The following IQSEC1 variants were observed in gnomAD, a reference collection of about 807,000 sequenced individuals.
IQSEC1 encodes the protein IQ motif and Sec7 domain ArfGEF 1, also known as IQ motif and SEC7 domain-containing protein 1.
In IQSEC1, 31 loss-of-function variants were observed where a neutral mutation model predicts 91.0. The ratio of observed to expected loss-of-function variants is 0.34; its 90% CI spans 0.26 to 0.46. The LOEUF (loss-of-function observed/expected upper bound fraction) is 0.46. Ranked by LOEUF, IQSEC1 falls within the 20% of genes least tolerant of loss-of-function variation. IQSEC1 has a pLI of 1.00. For synonymous variants in IQSEC1, 699 were observed against 662.6 expected (o/e 1.05, Z -0.84); for missense variants, 1,388 against 1,575.6 (o/e 0.88, Z 2.02).
At chr3:13,005,993 G>A (rs1027247555) in intron 1 of IQSEC1, among the ~76,000 whole-genome samples, 2 of 152,238 alleles carry the variant, frequency 1.3e-5, no homozygotes, top group African/African-American at 4.8e-5. Flanking sequence ...GGCTCTTCAA[G>A]GGGAATTTTA....
intron 1 of IQSEC1, chr3:13,053,092 G>C: frequency 1.0e-6 from 1 of 968,908 alleles, no homozygotes; most frequent in Non-Finnish European, 1.7e-6. Flanking sequence ...GCCAGGAATC[G>C]CTTACTCCTG....
At position 13,013,805 on chromosome 3, in the gene IQSEC1, T is replaced by C. The variant is rs960299835; in HGVS notation, c.23+59187A>G. Among the ~76,000 whole-genome samples, 6 of 152,310 alleles carry C rather than the reference T, an allele frequency of 3.9e-5. No homozygotes were observed. The Middle Eastern group carries it at 0.014, about 345-fold the overall frequency. On this transcript the variant is annotated intron_variant, in intron 1 of 13. Transcript: ENST00000613206. Reference sequence around the variant, plus strand: ...ACAGTAGGTGCCCAATAAATGTTTGTTGAATGACTGAATTAACAAATGAAT... The same window carrying C: ...ACAGTAGGTGCCCAATAAATGTTTGCTGAATGACTGAATTAACAAATGAAT...
At chr3:13,005,389 G>T (rs1223733253) in intron 1 of IQSEC1, among the ~76,000 whole-genome samples, 1 of 152,188 alleles carries the variant, frequency 6.6e-6, no homozygotes, top group Non-Finnish European at 1.5e-5. Context: ...CCAGAGCCAG[G>T]CACCCCAGTG....
intron 1 of IQSEC1, among the ~76,000 whole-genome samples, chr3:13,180,112 C>T (rs566836773): frequency 4.2e-4 from 63 of 149,740 alleles, no homozygotes; most frequent in African/African-American, 1.4e-3. Context: ...GTGCATGGTG[C>T]GGGACTGGCA....
chr3:13,112,364 G>T (rs1339542813), intron 2 of IQSEC1, among the ~76,000 whole-genome samples: 2 of 152,238 alleles, frequency 1.3e-5, no homozygotes, highest in Non-Finnish European at 2.9e-5. Context: ...CTCTCCCTCT[G>T]AAAAGGGAGG....
intron 1 of IQSEC1, among the ~76,000 whole-genome samples, chr3:13,257,035 A>T (rs6767852): frequency 0.075 from 11,406 of 152,248 alleles, 546 homozygotes; most frequent in African/African-American, 0.11. Context: ...TTTGTAAAAA[A>T]GAAAAAATAA....
At chr3:13,078,963 A>T (rs969117337) in intron 2 of IQSEC1, among the ~76,000 whole-genome samples, 6 of 152,234 alleles carry the variant, frequency 3.9e-5, no homozygotes, top group South Asian at 2.1e-4. Flanking sequence ...TCAGTATTGT[A>T]AATTGTGCAT....
chr3:13,145,139 G>T (rs1266077154), intron 2 of IQSEC1, among the ~76,000 whole-genome samples: 1 of 152,238 alleles, frequency 6.6e-6, no homozygotes, highest in Non-Finnish European at 1.5e-5. Flanking sequence ...TAAGGGCAAA[G>T]ATGAGTAACC....
intron 1 of IQSEC1, among the ~76,000 whole-genome samples, chr3:13,263,069 GA>G (rs1006784696): frequency 2.0e-5 from 3 of 152,186 alleles, no homozygotes; most frequent in African/African-American, 7.2e-5. Context: ...TAAACATGGT[GA>G]AACCTTGTCT....
intron 1 of IQSEC1, among the ~76,000 whole-genome samples, chr3:12,963,318 C>T (rs1700358973): frequency 6.6e-6 from 1 of 152,252 alleles, no homozygotes; most frequent in African/African-American, 2.4e-5. Flanking sequence ...AGCAGCGAAG[C>T]TGCAGGTACC....
At chr3:13,206,431 T>C (rs978076920) in intron 1 of IQSEC1, among the ~76,000 whole-genome samples, 4 of 151,978 alleles carry the variant, frequency 2.6e-5, no homozygotes, top group Non-Finnish European at 4.4e-5. Flanking sequence ...AACACCACAA[T>C]GAGACACCAC....
intron 2 of IQSEC1, among the ~76,000 whole-genome samples, chr3:13,139,420 A>G (rs358378): frequency 0.49 from 74,865 of 152,132 alleles, 19,054 homozygotes; most frequent in Admixed American, 0.58. Context: ...GGCATGTTCC[A>G]TCAGGTCCTT....
chr3:13,174,767 G>A (rs380584), intron 1 of IQSEC1, among the ~76,000 whole-genome samples: 2 of 152,094 alleles, frequency 1.3e-5, no homozygotes, highest in Non-Finnish European at 2.9e-5. Flanking sequence ...AGCCCCCTCA[G>A]AGCTGCCCTC....
At chr3:12,912,386 A>G (rs1300730492) in intron 9 of IQSEC1, among the ~76,000 whole-genome samples, 2 of 152,206 alleles carry the variant, frequency 1.3e-5, no homozygotes, top group Non-Finnish European at 2.9e-5. Flanking sequence ...TGAGAGATTC[A>G]TCTTACAGAG....
intron 9 of IQSEC1, among the ~76,000 whole-genome samples, chr3:12,912,050 A>T (rs1695611164): frequency 1.3e-5 from 2 of 152,292 alleles, no homozygotes; most frequent in South Asian, 2.1e-4. Context: ...AGGGGCAGGA[A>T]TGGACAGGTG....
intron 1 of IQSEC1, among the ~76,000 whole-genome samples, chr3:13,000,467 A>G (rs1007482026): frequency 6.6e-6 from 1 of 152,176 alleles, no homozygotes; most frequent in Non-Finnish European, 1.5e-5. Flanking sequence ...AATTCTATAG[A>G]TGTTAGCTAT....
In IQSEC1 at chr3:12,920,566, C is replaced by T; in HGVS notation, c.1884G>A (p.Val628=). The T allele has an allele frequency of 6.2e-7, 1 of 1,614,128 alleles. No individual in the cohort carries two copies. Among genetic ancestry groups the T allele is most frequent in the South Asian group, 1.1e-5 (1 of 91,090 alleles). The change falls in exon 6 of 14, where the codon GTG becomes GTA. Residue 628 remains valine, a synonymous_variant. Coordinates refer to ENST00000613206, the MANE Select transcript of IQSEC1 (RefSeq NM_001134382.3). Reference sequence around the variant, plus strand: ...TGTCTGGGTTCCGGAATTGCCGCACCACCCCAGGGTTGCAGATGCAGTAGC... The same window carrying T: ...TGTCTGGGTTCCGGAATTGCCGCACTACCCCAGGGTTGCAGATGCAGTAGC... ...SQRYCICNPG[V]VRQFRNPDTI... is the part of the protein sequence containing the mutation.
At position 12,975,121 on chromosome 3, in the gene IQSEC1, C is replaced by T. The variant is rs571355788; in HGVS notation, c.24-33256G>A. On this transcript the variant is annotated intron_variant, in intron 1 of 13. Transcript: ENST00000613206. ...GGCTTGGCAATGACACCCATGACTGCCTAGCCAGGGCCAGGCACACGGCAG... is the reference window on the plus strand; with the variant it reads ...GGCTTGGCAATGACACCCATGACTGTCTAGCCAGGGCCAGGCACACGGCAG... Among the ~76,000 whole-genome samples the T allele has an allele frequency of 1.6e-4, 25 of 152,384 alleles. No individual in the cohort carries two copies. In the South Asian group the frequency reaches 4.6e-3, roughly 28 times the overall value.
chr3:13,185,094 C>T (rs1463710122), intron 1 of IQSEC1, among the ~76,000 whole-genome samples: 1 of 152,182 alleles, frequency 6.6e-6, no homozygotes. Context: ...CTCCCACCCA[C>T]GCAGACTGGG....
Sources: allele counts gnomAD v4.1 joint callset (sites outside exome capture counted in the v4.1 genomes callset), GRCh38; gene constraint gnomAD v4.1.1; transcripts MANE v1.5; gene names NCBI Gene and HGNC (gene_info 2026-07-23, HGNC 2026-07-21).